The following DLG2 variants were observed in gnomAD, a reference collection of about 807,000 sequenced individuals.
DLG2 encodes the protein discs large MAGUK scaffold protein 2, also known as disks large homolog 2.
In DLG2, 45 loss-of-function variants were observed where a neutral mutation model predicts 132.5. That is an observed-to-expected ratio of 0.34 (90% CI 0.27 to 0.44). The LOEUF (loss-of-function observed/expected upper bound fraction) is 0.44. Among genes scored for constraint, DLG2 ranks in the 20% least tolerant of loss-of-function variants. The pLI, the probability that DLG2 is intolerant of heterozygous loss-of-function variation, is 1.00. For synonymous variants in DLG2, 424 were observed against 419.6 expected (o/e 1.01, Z -0.13); for missense variants, 1,045 against 1,196.9 (o/e 0.87, Z 1.87).
chr11:85,108,787 A>G (rs926097719), intron 6 of DLG2, among the ~76,000 whole-genome samples: 3 of 152,094 alleles, frequency 2.0e-5, no homozygotes, highest in Non-Finnish European at 4.4e-5. Context: ...TTTGGTTGCA[A>G]GTAAATCAAA....
intron 3 of DLG2, among the ~76,000 whole-genome samples, chr11:85,388,055 C>G (rs1422824177): frequency 1.3e-5 from 2 of 152,170 alleles, no homozygotes; most frequent in East Asian, 3.9e-4. Flanking sequence ...GACAAGTACT[C>G]AGCCCTGCTC....
chr11:85,565,483 C>T lies in DLG2; in HGVS notation c.40+33174G>A, dbSNP rs538630164. ...CCAAATTTCAGAACATTTTCACCAA[C>T]CCCATACTCATTAAGCTGTCACTCC... On this transcript the variant is annotated intron_variant, in intron 3 of 27. Coordinates refer to ENST00000376104, the MANE Select transcript of DLG2 (RefSeq NM_001142699.3). Among the ~76,000 whole-genome samples the T allele has an allele frequency of 2.4e-3, 368 of 152,126 alleles. 2 individuals are homozygous for T. Among genetic ancestry groups the T allele is most frequent in the Non-Finnish European group, 3.8e-3 (256 of 67,944 alleles).
intron 7 of DLG2, among the ~76,000 whole-genome samples, chr11:84,269,219 A>AC (rs1322984928): frequency 2.6e-5 from 4 of 152,152 alleles, no homozygotes; most frequent in African/African-American, 9.7e-5. Flanking sequence ...GAAGGTAAAT[A>AC]CCCCCAGGGC....
At chr11:83,990,571 T>TTGA (rs2093651772) in intron 11 of DLG2, among the ~76,000 whole-genome samples, 1 of 152,114 alleles carries the variant, frequency 6.6e-6, no homozygotes, top group African/African-American at 2.4e-5. Flanking sequence ...GCAGCAGAGA[T>TTGA]TGATACTGTG....
chr11:84,541,127 A>C (rs2099367596), intron 6 of DLG2, among the ~76,000 whole-genome samples: 1 of 152,060 alleles, frequency 6.6e-6, no homozygotes, highest in Admixed American at 6.6e-5. Flanking sequence ...CCAACATGGC[A>C]CATGTATACA....
chr11:84,058,204 G>A, intron 11 of DLG2, among the ~76,000 whole-genome samples: 1 of 151,962 alleles, frequency 6.6e-6, no homozygotes. Context: ...AATGAGAAAT[G>A]ATTTACTCAA....
intron 7 of DLG2, among the ~76,000 whole-genome samples, chr11:84,252,140 CTTTTTTTTTTTTTT>C (rs1176873990): frequency 1.5e-5 from 1 of 65,338 alleles, no homozygotes; most frequent in Middle Eastern, 0.011. Context: ...TTCTTTCTTT[CTTTTTTTTTTTTTT>C]TTTTTTTTTT....
chr11:83,751,456 T>G (rs1336933649), intron 18 of DLG2, among the ~76,000 whole-genome samples: 1 of 152,132 alleles, frequency 6.6e-6, no homozygotes, highest in Non-Finnish European at 1.5e-5. Flanking sequence ...ACATTTGTGT[T>G]GACAACAGAT....
intron 16 of DLG2, among the ~76,000 whole-genome samples, chr11:83,868,897 T>C (rs2062905393): frequency 6.6e-6 from 1 of 152,140 alleles, no homozygotes; most frequent in Admixed American, 6.6e-5. Context: ...CAGATGGATC[T>C]CTGAATGTGT....
Position 85,272,635 on chromosome 11 carries a change from G to T in DLG2, c.186+12585C>A, listed in dbSNP as rs191064229. On this transcript the variant is annotated intron_variant, in intron 4 of 27. Transcript: ENST00000376104. The stretch of plus-strand genomic sequence containing the variant: ...ACAAACAAATGGAAGAACATTCCAT[G>T]CTCATGGATAGGAAGAATCAATATC... Among the ~76,000 whole-genome samples, 367 of 152,244 alleles carry T rather than the reference G, an allele frequency of 2.4e-3. 3 individuals are homozygous for T. The highest frequency in any genetic ancestry group is 8.4e-3 in the African/African-American group (349 of 41,532).
intron 3 of DLG2, among the ~76,000 whole-genome samples, chr11:85,586,049 C>A (rs1452339681): frequency 6.6e-6 from 1 of 152,144 alleles, no homozygotes; most frequent in Non-Finnish European, 1.5e-5. Context: ...AGATGTTAAA[C>A]CATCCCTGCA....
chr11:84,011,852 TAAAG>T (rs1374136143), intron 11 of DLG2, among the ~76,000 whole-genome samples: 1 of 152,058 alleles, frequency 6.6e-6, no homozygotes, highest in Non-Finnish European at 1.5e-5. Flanking sequence ...GGTCATCAAA[TAAAG>T]AAATACATGT....
chr11:83,782,308 A>T (rs988845429), intron 18 of DLG2, among the ~76,000 whole-genome samples: 6 of 152,236 alleles, frequency 3.9e-5, no homozygotes, highest in African/African-American at 1.4e-4. Flanking sequence ...AATTAAGAGC[A>T]GACCCATTCA....
intron 7 of DLG2, among the ~76,000 whole-genome samples, chr11:84,448,607 A>G (rs1323685913): frequency 6.6e-6 from 1 of 151,974 alleles, no homozygotes; most frequent in Non-Finnish European, 1.5e-5. Context: ...AATCTTGACA[A>G]ATTTTCTGAG....
intron 6 of DLG2, among the ~76,000 whole-genome samples, chr11:84,843,613 T>G (rs2080991179): frequency 6.6e-6 from 1 of 151,922 alleles, no homozygotes; most frequent in Non-Finnish European, 1.5e-5. Context: ...TTATATAAAA[T>G]GGTATAGTAT....
At chr11:83,927,834 T>C (rs1175857136) in intron 15 of DLG2, among the ~76,000 whole-genome samples, 1 of 152,018 alleles carries the variant, frequency 6.6e-6, no homozygotes, top group Non-Finnish European at 1.5e-5. Flanking sequence ...TAAAGAAAAG[T>C]GAATAAATCT....
intron 6 of DLG2, among the ~76,000 whole-genome samples, chr11:84,913,650 C>G (rs1276080388): frequency 6.6e-6 from 1 of 152,056 alleles, no homozygotes; most frequent in Non-Finnish European, 1.5e-5. Context: ...GACATGCATT[C>G]ATATACATAT....
At chr11:85,013,477 A>G (rs1409364276) in intron 6 of DLG2, among the ~76,000 whole-genome samples, 1 of 152,188 alleles carries the variant, frequency 6.6e-6, no homozygotes. Context: ...TAAAAAGTAC[A>G]TTCAAAACCC....
intron 4 of DLG2, among the ~76,000 whole-genome samples, chr11:85,272,643 A>G (rs113231111): frequency 2.0e-5 from 3 of 152,158 alleles, no homozygotes; most frequent in South Asian, 2.1e-4. Flanking sequence ...ATGCTCATGG[A>G]TAGGAAGAAT....
Sources: gnomAD v4.1 joint callset for allele counts (sites outside exome capture counted in the v4.1 genomes callset) on GRCh38, gnomAD v4.1.1 for gene constraint, MANE v1.5 for transcripts, NCBI Gene and HGNC (gene_info 2026-07-23, HGNC 2026-07-21) for gene names.